The following NAALADL2 variants were observed in gnomAD, a reference collection of about 807,000 sequenced individuals.
NAALADL2 encodes the protein N-acetylated alpha-linked acidic dipeptidase like 2, also known as inactive N-acetylated-alpha-linked acidic dipeptidase-like protein 2.
Under a neutral mutation model 87.2 loss-of-function variants are expected in NAALADL2, and 76 were observed. That is an observed-to-expected ratio of 0.87 (90% CI 0.72 to 1.05). The LOEUF (loss-of-function observed/expected upper bound fraction) is 1.05, where lower values mean the gene tolerates loss of function less well. NAALADL2 is among the 50% of genes least tolerant of loss of function. The pLI is 0.00. For synonymous variants in NAALADL2, 354 were observed against 331.0 expected, an observed-to-expected ratio of 1.07 and a Z score of -0.75; for missense variants, 1,089 against 945.8, an observed-to-expected ratio of 1.15 and a Z score of -1.99.
chr3:174,627,246 C>T (rs921044075), intron 2 of NAALADL2, among the ~76,000 whole-genome samples: 3 of 151,944 alleles, frequency 2.0e-5, no homozygotes, highest in Non-Finnish European at 4.4e-5. Context: ...AAGAAAGAAA[C>T]CTTTACTCCT....
chr3:175,487,957 T>C (rs1235121788), intron 9 of NAALADL2, among the ~76,000 whole-genome samples: 2 of 152,100 alleles, frequency 1.3e-5, no homozygotes, highest in East Asian at 3.9e-4. Context: ...CCAATTTAAG[T>C]AAGGGGATTA....
chr3:175,265,860 A>C (rs541420786), intron 4 of NAALADL2, among the ~76,000 whole-genome samples: 1 of 151,576 alleles, frequency 6.6e-6, no homozygotes, highest in African/African-American at 2.4e-5. Context: ...TCAATAAAAT[A>C]TTATTTTAAT....
rs1745444955 is a variant in NAALADL2, at chr3:175,234,173, A to G, written c.788A>G (p.Tyr263Cys). ...KDSSQDLLYS[Y>C]AAYSAKGTLK... ...AGCAGCCAAGACCTGCTCTATTCAT[A>G]TGCAGCCTATTCTGCCAAAGGAACT... The change falls in exon 3 of 14, where the codon TAT becomes TGT. Residue 263 changes from tyrosine to cysteine, a missense_variant. By Grantham distance (194) the Tyr-to-Cys change is radical. Transcript: ENST00000454872. The G allele has an allele frequency of 1.2e-6, 2 of 1,613,830 alleles. No homozygotes were observed. The highest frequency in any genetic ancestry group is 4.5e-5 in the East Asian group (2 of 44,870).
intron 1 of NAALADL2, among the ~76,000 whole-genome samples, chr3:174,490,036 A>G (rs1317335241): frequency 6.6e-6 from 1 of 152,108 alleles, no homozygotes; most frequent in Non-Finnish European, 1.5e-5. Context: ...TGAACCTGAT[A>G]TTCCATTGCT....
chr3:175,348,021 T>G (rs1763335934), intron 5 of NAALADL2, among the ~76,000 whole-genome samples: 1 of 152,154 alleles, frequency 6.6e-6, no homozygotes, highest in South Asian at 2.1e-4. Context: ...TTGCTGAGAA[T>G]GATGGCTTCA....
At chr3:175,368,437 G>A (rs1297281542) in intron 5 of NAALADL2, among the ~76,000 whole-genome samples, 2 of 152,110 alleles carry the variant, frequency 1.3e-5, no homozygotes, top group African/African-American at 4.8e-5. Context: ...AATGGTACCA[G>A]TTCCTCCTTG....
intron 1 of NAALADL2, among the ~76,000 whole-genome samples, chr3:174,483,090 A>G (rs1717658516): frequency 6.6e-6 from 1 of 151,994 alleles, no homozygotes; most frequent in African/African-American, 2.4e-5. Flanking sequence ...AGTAAAAACA[A>G]CTGGTCTGAC....
intron 1 of NAALADL2, among the ~76,000 whole-genome samples, chr3:174,914,406 A>C (rs1173591531): frequency 2.0e-5 from 3 of 152,076 alleles, no homozygotes; most frequent in Non-Finnish European, 4.4e-5. Context: ...TTAGATAATG[A>C]ATATTTAGTA....
chr3:174,967,311 T>C (rs1416682505), intron 1 of NAALADL2, among the ~76,000 whole-genome samples: 5 of 151,650 alleles, frequency 3.3e-5, no homozygotes, highest in Non-Finnish European at 5.9e-5. Flanking sequence ...CAATAAAATT[T>C]AGATAGTGCC....
intron 2 of NAALADL2, among the ~76,000 whole-genome samples, chr3:174,597,737 G>A (rs1206024448): frequency 1.3e-5 from 2 of 152,160 alleles, no homozygotes; most frequent in Non-Finnish European, 2.9e-5. Context: ...GTCTTTGGGA[G>A]CATAATTTGT....
chr3:174,747,853 C>T (rs1006425846), intron 3 of NAALADL2, among the ~76,000 whole-genome samples: 8 of 152,026 alleles, frequency 5.3e-5, no homozygotes, highest in Non-Finnish European at 1.0e-4. Context: ...TATAAAGATA[C>T]ATGCATGTGC....
At chr3:175,467,238 G>A (rs1724208202) in intron 8 of NAALADL2, 54 bp downstream of exon 8, 2 of 1,464,158 alleles carry the variant, frequency 1.4e-6, no homozygotes, top group Non-Finnish European at 1.9e-6. Flanking sequence ...GTTTGCTAAA[G>A]TAGACAAAGT....
intron 13 of NAALADL2, among the ~76,000 whole-genome samples, chr3:175,784,832 TGGG>T (rs1218053402): frequency 2.7e-5 from 2 of 73,008 alleles, no homozygotes; most frequent in Admixed American, 1.5e-4. Flanking sequence ...CTTTCTCTTG[TGGG>T]CATTTAGTGC....
chr3:174,716,926 A>G (rs1161570513), intron 2 of NAALADL2, among the ~76,000 whole-genome samples: 6 of 152,192 alleles, frequency 3.9e-5, no homozygotes, highest in Non-Finnish European at 4.4e-5. Context: ...AGTTCTCTGC[A>G]TAGTTGAGAC....
At chr3:175,428,089 A>T (rs559300617) in intron 5 of NAALADL2, among the ~76,000 whole-genome samples, 16 of 152,212 alleles carry the variant, frequency 1.1e-4, no homozygotes, top group African/African-American at 2.6e-4. Flanking sequence ...CTGTGTCATC[A>T]TTCCCCAGAT....
chr3:174,657,881 C>G (rs549911112), intron 2 of NAALADL2, among the ~76,000 whole-genome samples: 1 of 152,156 alleles, frequency 6.6e-6, no homozygotes, highest in Non-Finnish European at 1.5e-5. Flanking sequence ...GAATCACACA[C>G]TATGTAGCCT....
chr3:174,492,999 C>G (rs1357191154), intron 1 of NAALADL2, among the ~76,000 whole-genome samples: 1 of 152,176 alleles, frequency 6.6e-6, no homozygotes, highest in African/African-American at 2.4e-5. Context: ...CTGTTAGAGA[C>G]TTTAAGGATT....
chr3:175,148,091 G>GATA (rs777779002), intron 2 of NAALADL2, among the ~76,000 whole-genome samples: 4,206 of 110,642 alleles, frequency 0.038, 83 homozygotes, highest in African/African-American at 0.074. Context: ...TAATGATAAT[G>GATA]ATAATAATAA....
chr3:174,950,799 A>G (rs1432505548), intron 1 of NAALADL2, among the ~76,000 whole-genome samples: 2 of 152,184 alleles, frequency 1.3e-5, no homozygotes, highest in African/African-American at 4.8e-5. Context: ...AAATAATAAA[A>G]TAGAAATATG....
Sources: allele counts gnomAD v4.1 joint callset (sites outside exome capture counted in the v4.1 genomes callset), GRCh38; gene constraint gnomAD v4.1.1; transcripts MANE v1.5; gene names NCBI Gene and HGNC (gene_info 2026-07-23, HGNC 2026-07-21).